Variants in PAG1 observed in about 807,000 individuals in gnomAD.
PAG1 encodes phosphoprotein membrane anchor with glycosphingolipid microdomains 1.
PAG1 carries 23 observed loss-of-function variants against 31.7 expected under a neutral mutation model. The ratio of observed to expected loss-of-function variants is 0.73; its 90% confidence interval spans 0.52 to 1.03. The LOEUF is 1.03. Ranked by LOEUF, PAG1 falls within the 50% of genes least tolerant of loss-of-function variation. The pLI, the probability that PAG1 is intolerant of heterozygous loss-of-function variation, is 0.00. For synonymous variants in PAG1, 214 were observed against 210.3 expected (o/e 1.02, Z -0.15); for missense variants, 473 against 540.7 (o/e 0.87, Z 1.24).
chr8:81,094,506 G>C (rs1003830822), intron 1 of PAG1, among the ~76,000 whole-genome samples: 1 of 151,914 alleles, frequency 6.6e-6, no homozygotes, highest in African/African-American at 2.4e-5. Context: ...CTAATGGTTG[G>C]GTTTCTAGGT....
intron 2 of PAG1, among the ~76,000 whole-genome samples, chr8:81,037,922 A>G (rs1808486850): frequency 6.6e-6 from 1 of 152,226 alleles, no homozygotes; most frequent in African/African-American, 2.4e-5. Context: ...GCTGTCATTT[A>G]TAGAGCTTTG....
chr8:81,075,753 T>C (rs1809166786), intron 1 of PAG1, among the ~76,000 whole-genome samples: 1 of 152,142 alleles, frequency 6.6e-6, no homozygotes, highest in African/African-American at 2.4e-5. Flanking sequence ...ACACACAAGA[T>C]AACACACAGC....
chr8:81,057,144 T>C (rs1296514667), intron 2 of PAG1, among the ~76,000 whole-genome samples: 2 of 152,140 alleles, frequency 1.3e-5, no homozygotes, highest in Non-Finnish European at 2.9e-5. Context: ...AGTTCAACCA[T>C]TGTGGAAGAC....
intron 3 of PAG1, among the ~76,000 whole-genome samples, chr8:81,004,134 A>T (rs1807834345): frequency 1.3e-5 from 2 of 152,252 alleles, no homozygotes; most frequent in African/African-American, 4.8e-5. Context: ...AGACAGAACC[A>T]AAACACACAG....
chr8:81,083,715 C>T (rs968160521), intron 1 of PAG1, among the ~76,000 whole-genome samples: 15 of 152,026 alleles, frequency 9.9e-5, no homozygotes, highest in African/African-American at 3.4e-4. Context: ...TGGTGTTTTC[C>T]ACTTGCTGCC....
chr8:80,992,048 G>A (rs1314551391), intron 4 of PAG1, among the ~76,000 whole-genome samples: 1 of 152,130 alleles, frequency 6.6e-6, no homozygotes, highest in Non-Finnish European at 1.5e-5. Flanking sequence ...TTTTACTCGG[G>A]ACAGTCTAAA....
chr8:81,069,897 C>A (rs1426086932), intron 2 of PAG1, among the ~76,000 whole-genome samples: 1 of 152,156 alleles, frequency 6.6e-6, no homozygotes, highest in Non-Finnish European at 1.5e-5. Flanking sequence ...TACCCATTGG[C>A]GTCTTGGTTT....
chr8:80,983,658 C>G (rs534115677), intron 7 of PAG1, among the ~76,000 whole-genome samples: 1 of 152,198 alleles, frequency 6.6e-6, no homozygotes, highest in African/African-American at 2.4e-5. Flanking sequence ...AACGTGAAAT[C>G]TGGAGAACTG....
chr8:80,980,206 C>T (rs1020843971), intron 8 of PAG1, among the ~76,000 whole-genome samples: 1 of 152,208 alleles, frequency 6.6e-6, no homozygotes, highest in Non-Finnish European at 1.5e-5. Flanking sequence ...CTTTCCTGCT[C>T]AGTTTCTTTT....
chr8:80,997,420 G>A (rs749707058), intron 3 of PAG1, among the ~76,000 whole-genome samples: 3 of 152,104 alleles, frequency 2.0e-5, no homozygotes, highest in African/African-American at 7.2e-5. Flanking sequence ...ACAGGCATGC[G>A]CCACCATACC....
intron 3 of PAG1, among the ~76,000 whole-genome samples, chr8:81,013,466 C>T (rs1298441295): frequency 1.3e-5 from 2 of 152,204 alleles, no homozygotes; most frequent in Non-Finnish European, 2.9e-5. Context: ...TCCTCCAGGG[C>T]CCCTCTCTCT....
intron 1 of PAG1, among the ~76,000 whole-genome samples, chr8:81,076,753 T>C (rs946801270): frequency 1.1e-4 from 16 of 152,192 alleles, no homozygotes; most frequent in Non-Finnish European, 1.6e-4. Context: ...TTTTAAAAAA[T>C]TTTAATGTGT....
At position 80,971,110 on chromosome 8, in the gene PAG1, G is replaced by C. The variant is rs1300330180; in HGVS notation, c.*5434C>G. On this transcript the variant is annotated 3_prime_UTR_variant, in exon 9 of 9. Transcript: ENST00000220597. ...TCACAAAATGTTCAAGCTAATAAGA[G>C]ATATTTTTGGTCTTAAAACTAAGGT... 1 of 152,180 alleles carries C rather than the reference G, an allele frequency of 6.6e-6. No individual in the cohort carries two copies. Among genetic ancestry groups the C allele is most frequent in the Non-Finnish European group, 1.5e-5 (1 of 68,036 alleles). The allele number at this position is 152,180 out of a possible 1,614,324, so 9.4% of individuals were successfully genotyped here.
chr8:81,044,285 C>G (rs144450419), intron 2 of PAG1, among the ~76,000 whole-genome samples: 1 of 152,298 alleles, frequency 6.6e-6, no homozygotes, highest in East Asian at 1.9e-4. Flanking sequence ...AAAATGAGGT[C>G]ATTAGGGTAA....
intron 2 of PAG1, among the ~76,000 whole-genome samples, chr8:81,068,195 C>T (rs1443990528): frequency 3.9e-5 from 6 of 152,192 alleles, no homozygotes; most frequent in Non-Finnish European, 7.3e-5. Context: ...TGCACCCAGC[C>T]TGCTTTGCTT....
rs538825704 is a variant in PAG1, at chr8:81,001,879, C to A, written c.-80-8572G>T. Among the ~76,000 whole-genome samples, 5 of 152,298 alleles carry A rather than the reference C, an allele frequency of 3.3e-5. No individual in the cohort carries two copies. The East Asian group carries it at 9.7e-4, about 29-fold the overall frequency. ...CACAACCTCCAGGCGTCTGGCCTGT[C>A]TGGGACAGCAGCAGACAGGTGAGGA... On this transcript the variant is annotated intron_variant, in intron 3 of 8. Coordinates refer to ENST00000220597, the MANE Select transcript of PAG1 (RefSeq NM_018440.4).
intron 3 of PAG1, among the ~76,000 whole-genome samples, chr8:80,999,973 A>C (rs141534154): frequency 1.6e-4 from 25 of 152,014 alleles, no homozygotes; most frequent in Non-Finnish European, 3.1e-4. Flanking sequence ...TATCACATGC[A>C]CTCTGACAGA....
At chr8:81,097,830 C>T (rs894394216) in intron 1 of PAG1, among the ~76,000 whole-genome samples, 8 of 152,146 alleles carry the variant, frequency 5.3e-5, no homozygotes, top group African/African-American at 7.2e-5. Context: ...TTAAGCATTA[C>T]GTTGCTCTTT....
At chr8:81,037,159 C>T (rs1176813063) in intron 2 of PAG1, 1 of 152,138 alleles carries the variant, frequency 6.6e-6, no homozygotes, top group Non-Finnish European at 1.5e-5. Flanking sequence ...TTAATGAAAA[C>T]TCTGTAATCT....
Sources: allele counts gnomAD v4.1 joint callset (sites outside exome capture counted in the v4.1 genomes callset), GRCh38; gene constraint gnomAD v4.1.1; transcripts MANE v1.5; gene names NCBI Gene and HGNC (gene_info 2026-07-23, HGNC 2026-07-21).